LSM14A: variants seen among roughly 807,000 people sequenced by gnomAD.
LSM14A encodes the protein LSM14A mRNA processing body assembly factor.
LSM14A carries 14 observed loss-of-function variants against 52.4 expected under a neutral mutation model. That is an observed-to-expected ratio of 0.27 (90% CI 0.18 to 0.42). The LOEUF (loss-of-function observed/expected upper bound fraction) is 0.42. Among genes scored for constraint, LSM14A ranks in the 10% least tolerant of loss-of-function variants. The pLI is 1.00. For synonymous variants in LSM14A, 185 were observed against 200.3 expected (o/e 0.92, Z 0.64); for missense variants, 417 against 581.8 (o/e 0.72, Z 2.91).
At chr19:34,198,019 T>C (rs1568483997) in intron 3 of LSM14A, among the ~76,000 whole-genome samples, 1 of 146,696 alleles carries the variant, frequency 6.8e-6, no homozygotes, top group East Asian at 1.9e-4. Context: ...AGAACAGCTT[T>C]TAAAAAAAAA....
intron 1 of LSM14A, among the ~76,000 whole-genome samples, chr19:34,173,931 A>G (rs2068895556): frequency 8.7e-6 from 1 of 114,556 alleles, no homozygotes; most frequent in Admixed American, 8.8e-5. Flanking sequence ...GCTCTGGTAA[A>G]TCCTTTATTT....
intron 1 of LSM14A, among the ~76,000 whole-genome samples, chr19:34,184,116 C>T (rs1204137647): frequency 6.9e-6 from 1 of 144,084 alleles, no homozygotes; most frequent in African/African-American, 2.6e-5. Context: ...AGTGCAATGG[C>T]GCAATCTTGG....
In LSM14A at chr19:34,172,504, A is replaced by C; in HGVS notation, c.-139A>C. The C allele has an allele frequency of 2.1e-6, 2 of 951,352 alleles. No individual in the cohort carries two copies. The highest frequency in any genetic ancestry group is 1.4e-6 in the Non-Finnish European group (1 of 734,802). The allele number at this position is 951,352 out of a possible 1,614,324, so 58.9% of individuals were successfully genotyped here. ...TGAGGGCGGGAGGCTGGGGGAGGGT[A>C]GCGGAGCCGGCGCCGCCGCCATGTT... On this transcript the variant is annotated 5_prime_UTR_variant, in exon 1 of 10. Transcript: ENST00000544216.
At chr19:34,226,281 G>T in intron 9 of LSM14A, 1 of 993,366 alleles carries the variant, frequency 1.0e-6, no homozygotes, top group Non-Finnish European at 1.4e-6. Flanking sequence ...GGGGTTCAAA[G>T]ACAACAAGGT....
intron 1 of LSM14A, among the ~76,000 whole-genome samples, chr19:34,179,963 C>G (rs1193929880): frequency 1.3e-5 from 2 of 152,214 alleles, no homozygotes; most frequent in Non-Finnish European, 2.9e-5. Context: ...GAGTCTCACT[C>G]TGTTGCCCAG....
chr19:34,202,361 C>T (rs1204382971), intron 3 of LSM14A, among the ~76,000 whole-genome samples: 2 of 151,090 alleles, frequency 1.3e-5, no homozygotes, highest in African/African-American at 2.4e-5. Flanking sequence ...AGCATGGTGG[C>T]ACACTCCTGT....
At chr19:34,217,245 G>A (rs1211311455) in intron 6 of LSM14A, among the ~76,000 whole-genome samples, 19 of 123,228 alleles carry the variant, frequency 1.5e-4, no homozygotes, top group African/African-American at 4.5e-4. Context: ...GCAACAGAGC[G>A]AGAGTCTGTC....
chr19:34,201,668 AACC>A (rs1241832770), intron 3 of LSM14A, among the ~76,000 whole-genome samples: 1 of 152,054 alleles, frequency 6.6e-6, no homozygotes, highest in Non-Finnish European at 1.5e-5. Context: ...GCACAAAGTA[AACC>A]ACATTTTAAG....
intron 9 of LSM14A, among the ~76,000 whole-genome samples, chr19:34,225,057 GT>G (rs768277160): frequency 1.3e-5 from 2 of 152,198 alleles, no homozygotes; most frequent in South Asian, 2.1e-4. Context: ...TTTGTATTTA[GT>G]TTTGTTCTGC....
chr19:34,209,367 GT>G (rs2071962262), intron 4 of LSM14A, among the ~76,000 whole-genome samples: 1 of 152,126 alleles, frequency 6.6e-6, no homozygotes, highest in Admixed American at 6.5e-5. Context: ...CACCATTAAA[GT>G]TGAGCTATCC....
chr19:34,227,008 A>G (rs502810), intron 9 of LSM14A, among the ~76,000 whole-genome samples: 96,497 of 152,110 alleles, frequency 0.63, 31,787 homozygotes, highest in African/African-American at 0.77. Flanking sequence ...GTTTCAAAGT[A>G]TGTTGACAGT....
At chr19:34,208,782 C>T (rs1183264540) in intron 3 of LSM14A, 147 bp from the exon 4 acceptor site, 2 of 626,092 alleles carry the variant, frequency 3.2e-6, no homozygotes. Flanking sequence ...ATTCAGTACA[C>T]TTTAATTTCC....
intron 1 of LSM14A, among the ~76,000 whole-genome samples, chr19:34,193,703 A>T (rs1377636185): frequency 6.6e-6 from 1 of 152,056 alleles, no homozygotes; most frequent in Non-Finnish European, 1.5e-5. Context: ...CTTCTAGAGG[A>T]CTTACTGCTC....
chr19:34,190,895 GT>G (rs1221952876), intron 1 of LSM14A, among the ~76,000 whole-genome samples: 2 of 151,614 alleles, frequency 1.3e-5, no homozygotes, highest in African/African-American at 4.8e-5. Context: ...TGTTTGTTTT[GT>G]TTTTTTCTGG....
chr19:34,191,257 A>C lies in LSM14A; in HGVS notation c.122-3221A>C, dbSNP rs192676809. On this transcript the variant is annotated intron_variant, in intron 1 of 9. Coordinates refer to ENST00000544216, the MANE Select transcript of LSM14A (RefSeq NM_015578.4). ...TGTTTTGATCATAAAAGTCTATGCTATCTGTTTTTCTTGTGAATGTCGAAG... is the reference window on the plus strand; with the variant it reads ...TGTTTTGATCATAAAAGTCTATGCTCTCTGTTTTTCTTGTGAATGTCGAAG... 3.9e-3 allele frequency among the ~76,000 whole-genome samples: 586 copies of C among 151,032 alleles called. 10 individuals carry two copies. Among genetic ancestry groups the C allele is most frequent in the South Asian group, 0.019 (91 of 4,826 alleles).
In LSM14A at chr19:34,196,819, C is replaced by T; in HGVS notation, c.415+56C>T. 1.4e-6 allele frequency: 2 copies of T among 1,454,598 alleles called. 1 individual carries two copies. Among genetic ancestry groups the T allele is most frequent in the South Asian group, 2.6e-5 (2 of 77,816 alleles). The allele number at this position is 1,454,598 out of a possible 1,614,324, so 90.1% of individuals were successfully genotyped here. On this transcript the variant is annotated intron_variant, in intron 3 of 9. Coordinates refer to ENST00000544216, the MANE Select transcript of LSM14A (RefSeq NM_015578.4). ...TTTTGTATTCTTCCTTTCTTTACCA[C>T]AAAGGTATAGAAACTCAACACCAAC...
chr19:34,185,830 CTG>C (rs1491518375), intron 1 of LSM14A, among the ~76,000 whole-genome samples: 6 of 152,304 alleles, frequency 3.9e-5, no homozygotes, highest in Non-Finnish European at 7.3e-5. Context: ...AAAATACTAA[CTG>C]TAACTTTTTG....
At chr19:34,217,186 G>A (rs1294508656) in intron 6 of LSM14A, among the ~76,000 whole-genome samples, 1 of 151,202 alleles carries the variant, frequency 6.6e-6, no homozygotes, top group Non-Finnish European at 1.5e-5. Context: ...TTGAACCCGG[G>A]AGGCGAGGTT....
chr19:34,213,538 A>G (rs955020529), intron 4 of LSM14A, among the ~76,000 whole-genome samples: 1 of 152,158 alleles, frequency 6.6e-6, no homozygotes, highest in Non-Finnish European at 1.5e-5. Flanking sequence ...GGACAGTAAC[A>G]TTTGCAGCAT....
Sources: allele counts gnomAD v4.1 joint callset (sites outside exome capture counted in the v4.1 genomes callset), GRCh38; gene constraint gnomAD v4.1.1; transcripts MANE v1.5; gene names NCBI Gene and HGNC (gene_info 2026-07-23, HGNC 2026-07-21).